Variants in DPP7 observed in about 807,000 individuals in gnomAD.
DPP7 encodes the protein dipeptidyl peptidase 7, also known as dipeptidyl peptidase 2.
DPP7 carries 74 observed loss-of-function variants against 58.8 expected under a neutral mutation model. The ratio of observed to expected loss-of-function variants is 1.26; its 90% CI spans 1.04 to 1.53. The LOEUF (loss-of-function observed/expected upper bound fraction) is 1.53, where lower values mean the gene tolerates loss of function less well. DPP7 is among the 40% of genes most tolerant of loss of function. DPP7 has a pLI of 0.00. For missense variants in DPP7, 807 were observed against 692.3 expected, an observed-to-expected ratio of 1.17 and a Z score of -1.86; for synonymous variants, 350 against 303.6, an observed-to-expected ratio of 1.15 and a Z score of -1.59.
upstream of DPP7, among the ~76,000 whole-genome samples, chr9:137,115,614 C>A (rs1047838944): frequency 1.3e-5 from 2 of 152,290 alleles, no homozygotes; most frequent in Non-Finnish European, 2.9e-5. Flanking sequence ...CATGACCCTG[C>A]CCTGCCCATC....
At chr9:137,118,256 G>A (rs141008517), upstream of DPP7, among the ~76,000 whole-genome samples, 2 of 151,922 alleles carry the variant, frequency 1.3e-5, no homozygotes, top group African/African-American at 2.4e-5. Context: ...CCAAAGCGCT[G>A]GGATTACAGG....
Position 137,113,294 on chromosome 9 carries a change from G to T in DPP7, c.622-7C>A. 1 of 1,613,698 alleles carries T rather than the reference G, an allele frequency of 6.2e-7. No homozygotes were observed. Among genetic ancestry groups the T allele is most frequent in the Non-Finnish European group, 8.5e-7 (1 of 1,180,004 alleles). Reference sequence around the variant, plus strand: ...GACTCTGGCCCTCAAAGTCCTGGGGGAAAGAGACCGTGCTGACTGCAGCTG... The same window carrying T: ...GACTCTGGCCCTCAAAGTCCTGGGGTAAAGAGACCGTGCTGACTGCAGCTG... On this transcript the variant is annotated splice_polypyrimidine_tract_variant and splice_region_variant and intron_variant, in intron 5 of 12. Coordinates refer to ENST00000371579, the MANE Select transcript of DPP7 (RefSeq NM_013379.3).
chr9:137,111,781 G>T, intron 10 of DPP7, 27 bp from the exon 11 acceptor site: 1 of 1,613,648 alleles, frequency 6.2e-7, no homozygotes, highest in Middle Eastern at 1.6e-4. Flanking sequence ...AAGTTGTGAT[G>T]TGGGCCCCTC....
chr9:137,112,030 C>T lies in DPP7; in HGVS notation c.1051-1G>A, dbSNP rs1344236566. 12 of 1,613,462 alleles carry T rather than the reference C, an allele frequency of 7.4e-6. No homozygotes were observed. The highest frequency in any genetic ancestry group is 9.3e-6 in the Non-Finnish European group (11 of 1,179,778). ...AGGTCAGGTTGATCTCGGTGCAGGC[C>T]TGCAGGTGCCCCAGCCTGAGTCAGG... On this transcript the variant is annotated splice_acceptor_variant, in intron 9 of 12. Coordinates refer to ENST00000371579, the MANE Select transcript of DPP7 (RefSeq NM_013379.3). LOFTEE classifies it high-confidence loss of function.
At chr9:137,113,653 G>T in intron 4 of DPP7, 157 bp from the exon 5 acceptor site, 1 of 1,428,216 alleles carries the variant, frequency 7.0e-7, no homozygotes, top group Non-Finnish European at 9.1e-7. Context: ...ACTGGGAAAG[G>T]CCGCTAGTGT....
chr9:137,113,899 C>A lies in DPP7; in HGVS notation c.451G>T (p.Ala151Ser). 2 of 1,567,958 alleles carry A rather than the reference C, an allele frequency of 1.3e-6. No homozygotes were observed. Among genetic ancestry groups the A allele is most frequent in the Admixed American group, 1.7e-5 (1 of 57,242 alleles). Reference sequence around the variant, plus strand: ...AAGGCGATGGCGGGGGCATCCTGGGCCCCGAGGTCGCGTCGTAGCGCGCGG... The same window carrying A: ...AAGGCGATGGCGGGGGCATCCTGGGACCCGAGGTCGCGTCGTAGCGCGCGG... ...LLRALRRDLG[A>S]QDAPAIAFGG... is the part of the protein sequence containing the mutation. The change falls in exon 4 of 13, where the codon GCC becomes TCC. Residue 151 changes from alanine to serine, a missense_variant. Around this residue, in one of 3 missense-constraint regions of DPP7, gnomAD observed 624 missense variants for 531.2 expected, o/e 1.17. Transcript: ENST00000371579.
At chr9:137,112,429 G>A (rs1831416930) in intron 8 of DPP7, 199 bp from the exon 9 acceptor site, 2 of 629,494 alleles carry the variant, frequency 3.2e-6, no homozygotes, top group Non-Finnish European at 2.7e-6. Flanking sequence ...CCTGACTGTT[G>A]AGGGCCCCCC....
chr9:137,110,908 G>A lies in DPP7; in HGVS notation c.1315C>T (p.Gln439Ter), dbSNP rs757434445. ...AGGTCGAGGTGGTGCGCTCCCCCCT[G>A]GATGGTGACGGCGATGACTGAGGCA... ...LSASVIAVTI[Q>*]GGAHHLDLRA... The change falls in exon 12 of 13, where the codon CAG (glutamine) becomes TAG (stop). Residue 439 changes from glutamine (Q) to a stop codon, truncating the protein, a stop_gained. Transcript: ENST00000371579. LOFTEE classifies it low-confidence loss of function (END_TRUNC). 1.9e-6 allele frequency: 3 copies of A among 1,613,016 alleles called. No individual in the cohort carries two copies. The highest frequency in any genetic ancestry group is 2.2e-5 in the East Asian group (1 of 44,872).
Position 137,111,984 on chromosome 9 carries a change from C to T in DPP7, c.1096G>A (p.Asp366Asn), listed in dbSNP as rs759162446. The T allele has an allele frequency of 8.7e-6, 14 of 1,613,370 alleles. No homozygotes were observed. Among genetic ancestry groups the T allele is most frequent in the African/African-American group, 4.0e-5 (3 of 74,814 alleles). Residue 366 changes from aspartate (D) to asparagine (N), a missense_variant, in exon 10 of 13, where the codon GAT becomes AAT. By Grantham distance (23) the Asp-to-Asn change is conservative (BLOSUM62 1). Coordinates refer to ENST00000371579, the MANE Select transcript of DPP7 (RefSeq NM_013379.3). ...NLTFASNNVT[D>N]MFPDLPFTDE... ...GTGAAGGGCAGGTCCGGGAACATATCGGTCACATTGTTGCTGGCGAAGGTC... is the reference window on the plus strand; with the variant it reads ...GTGAAGGGCAGGTCCGGGAACATATTGGTCACATTGTTGCTGGCGAAGGTC...
chr9:137,112,935 T>C lies in DPP7; in HGVS notation c.870+18A>G. On this transcript the variant is annotated intron_variant, in intron 7 of 12. Coordinates refer to ENST00000371579, the MANE Select transcript of DPP7 (RefSeq NM_013379.3). The stretch of plus-strand genomic sequence containing the variant: ...CTCCAGCCGGCCTCTCCCTGCGCCC[T>C]GGGAGGCGGCGCCTCACCTTGACGG... The C allele has an allele frequency of 6.2e-7, 1 of 1,612,616 alleles. No homozygotes were observed. The highest frequency in any genetic ancestry group is 1.1e-5 in the South Asian group (1 of 91,062).
rs1404805308 is a variant in DPP7 at position 137,114,067 on chromosome 9, G to A, written c.322-39C>T. Reference sequence around the variant, plus strand: ...CCATTGAGCCCGGCCCCGCGACCCCGCCCGGCACCCGCGTGCCCCGCGACC... The same window carrying A: ...CCATTGAGCCCGGCCCCGCGACCCCACCCGGCACCCGCGTGCCCCGCGACC... On this transcript the variant is annotated intron_variant, in intron 3 of 12. Transcript: ENST00000371579. 1,118 of 1,246,064 alleles carry A rather than the reference G, an allele frequency of 9.0e-4. 9 individuals are homozygous for A. Among genetic ancestry groups the A allele is most frequent in the East Asian group, 7.7e-3 (244 of 31,502 alleles). The allele number at this position is 1,246,064 out of a possible 1,614,324, so 77.2% of individuals were successfully genotyped here. A position where few individuals can be genotyped will look rare whatever the true frequency, so the allele number is the denominator to read the frequency against.
In DPP7 at chr9:137,114,634, C is replaced by A; in HGVS notation, c.67+13G>T. ...CGGGACCGGGGAATGGGCCGGGGGG[C>A]GCCGCCACTCACCCCCCGCCTGGAG... On this transcript the variant is annotated intron_variant, in intron 1 of 12. Coordinates refer to ENST00000371579, the MANE Select transcript of DPP7 (RefSeq NM_013379.3). 1.4e-6 allele frequency: 2 copies of A among 1,391,710 alleles called. No individual in the cohort carries two copies. Among genetic ancestry groups the A allele is most frequent in the East Asian group, 3.1e-5 (1 of 32,520 alleles). The allele number at this position is 1,391,710 out of a possible 1,614,324, so 86.2% of individuals were successfully genotyped here.
chr9:137,112,373 G>A (rs1004595725), intron 8 of DPP7, 143 bp from the exon 9 acceptor site: 2 of 711,760 alleles, frequency 2.8e-6, no homozygotes, highest in Non-Finnish European at 2.3e-6. Context: ...AGGCCCTCCA[G>A]GCTACCTGCT....
chr9:137,116,748 C>G (rs1204916578), upstream of DPP7, among the ~76,000 whole-genome samples: 2 of 152,230 alleles, frequency 1.3e-5, no homozygotes, highest in African/African-American at 2.4e-5. Context: ...GCTTCTGTCT[C>G]CGACATGCCC....
chr9:137,112,324 G>A (rs1165435281), intron 8 of DPP7, 94 bp from the exon 9 acceptor site: 4 of 1,043,770 alleles, frequency 3.8e-6, no homozygotes, highest in Non-Finnish European at 5.5e-6. Flanking sequence ...GGTCCTGCAG[G>A]GGATCTGGGG....
At chr9:137,115,057 C>G (rs1831588541), upstream of DPP7, 1 of 220,380 alleles carries the variant, frequency 4.5e-6, no homozygotes, top group South Asian at 1.8e-4. Context: ...GGCAGGTGCC[C>G]CACTCCAAGG....
upstream of DPP7, chr9:137,114,816 G>T: frequency 1.3e-6 from 1 of 798,564 alleles, no homozygotes; most frequent in East Asian, 3.6e-5. Flanking sequence ...CGGTCCCCAC[G>T]GAGACCGTCG....
chr9:137,112,381 GC>G, intron 8 of DPP7, 151 bp from the exon 9 acceptor site: 1 of 687,540 alleles, frequency 1.5e-6, no homozygotes, highest in South Asian at 1.9e-5. Flanking sequence ...CAGGCTACCT[GC>G]TTGGAGGTCG....
chr9:137,112,438 C>T (rs898617016), intron 8 of DPP7: 1 of 626,966 alleles, frequency 1.6e-6, no homozygotes, highest in Non-Finnish European at 2.8e-6. Flanking sequence ...TGAGGGCCCC[C>T]CCGCTCTCCA....
Sources: allele counts gnomAD v4.1 joint callset (sites outside exome capture counted in the v4.1 genomes callset), GRCh38; gene constraint gnomAD v4.1.1; regional missense constraint gnomAD v4.1.1; transcripts MANE v1.5; gene names NCBI Gene and HGNC (gene_info 2026-07-23, HGNC 2026-07-21).